The following SYT7 variants were observed in gnomAD, a reference collection of about 807,000 sequenced individuals.
SYT7 encodes the protein synaptotagmin-7.
In SYT7, 29 loss-of-function variants were observed where a neutral mutation model predicts 75.1. The ratio of observed to expected loss-of-function variants is 0.39; its 90% confidence interval spans 0.29 to 0.53. The LOEUF is 0.53. Ranked by LOEUF, SYT7 falls within the 20% of genes least tolerant of loss-of-function variation. The pLI is 0.77. For missense variants in SYT7, 693 were observed against 953.2 expected (o/e 0.73, Z 3.59); for synonymous variants, 376 against 401.7 (o/e 0.94, Z 0.76).
rs879214427 is a variant in SYT7, at chr11:61,517,657, T to C, written c.*970A>G. On this transcript the variant is annotated 3_prime_UTR_variant, in exon 13 of 13. Coordinates refer to ENST00000539008, the MANE Select transcript of SYT7 (RefSeq NM_001365809.2). The stretch of plus-strand genomic sequence containing the variant: ...TGTGGGAAGCTGGCGGGGGGTCTTT[T>C]GATGAAGGAGTTAGGGCAAAGCTAG... 2.5e-6 allele frequency: 1 copy of C among 398,640 alleles called. No homozygotes were observed. Among genetic ancestry groups the C allele is most frequent in the Admixed American group, 4.4e-5 (1 of 22,692 alleles). 24.7% of individuals were successfully genotyped at this position (398,640 alleles called of 1,614,324 possible).
chr11:61,586,232 C>G, the SYT7 span, among the ~76,000 whole-genome samples: 1 of 152,230 alleles, frequency 6.6e-6, no homozygotes, highest in Non-Finnish European at 1.5e-5. Context: ...TGGCTCAGCC[C>G]CTCAAATCCC....
At position 61,523,087 on chromosome 11, in the gene SYT7, G is replaced by A. The variant is rs145753051; in HGVS notation, c.1944C>T (p.Asp648=). Residue 648 remains aspartate (D), a synonymous_variant, in exon 12 of 13, where the codon GAC becomes GAT. Coordinates refer to ENST00000539008, the MANE Select transcript of SYT7 (RefSeq NM_001365809.2). The surrounding 1 kb of genome is among the most constrained non-coding windows in gnomAD (Gnocchi z 5.0). ...GCCTCGCCCCTACCTTGCCGATGAC[G>A]TCATTGCGGCTGAGCTTGTCCTTGT... ...VMDKDKLSRN[D]VIGKIYLSWK... The A allele has an allele frequency of 8.9e-5, 144 of 1,614,184 alleles. No homozygotes were observed. Among genetic ancestry groups the A allele is most frequent in the African/African-American group, 5.3e-4 (40 of 75,042 alleles).
intron 1 of SYT7, among the ~76,000 whole-genome samples, chr11:61,564,206 C>A (rs1419372502): frequency 1.3e-5 from 2 of 152,200 alleles, no homozygotes; most frequent in Non-Finnish European, 2.9e-5. Context: ...GGAATCTGTG[C>A]CTATAGGCTC....
At position 61,576,393 on chromosome 11, in the gene SYT7, G is replaced by A. The variant is rs571740708; in HGVS notation, c.31+4397C>T. Among the ~76,000 whole-genome samples the A allele has an allele frequency of 6.4e-4, 98 of 152,334 alleles. No individual in the cohort carries two copies. Among genetic ancestry groups the A allele is most frequent in the African/African-American group, 2.2e-3 (92 of 41,590 alleles). On this transcript the variant is annotated intron_variant, in intron 1 of 12. Transcript: ENST00000539008. The surrounding 1 kb of genome is among the most constrained non-coding windows in gnomAD (Gnocchi z 4.1). The stretch of plus-strand genomic sequence containing the variant: ...TGGCCAGACCAGTGACTGCCCCGAC[G>A]AGAGAAAGTTGACCTCTCGGCCACA...
At chr11:61,584,154 C>T (rs2064336052), upstream of SYT7, among the ~76,000 whole-genome samples, 2 of 152,098 alleles carry the variant, frequency 1.3e-5, no homozygotes, top group African/African-American at 4.8e-5. Flanking sequence ...CTTTGGGAGG[C>T]CGAGGCGGGC....
intron 1 of SYT7, among the ~76,000 whole-genome samples, chr11:61,578,056 G>C (rs2064134023): frequency 6.6e-6 from 1 of 152,212 alleles, no homozygotes; most frequent in African/African-American, 2.4e-5. Context: ...CAGAAGGGAG[G>C]CTGCAGGTCT....
chr11:61,519,192 CA>C (rs2062232782), intron 12 of SYT7, among the ~76,000 whole-genome samples: 1 of 152,236 alleles, frequency 6.6e-6, no homozygotes, highest in African/African-American at 2.4e-5. Context: ...TGATTATCTC[CA>C]TTTTTCAGAT....
the SYT7 span, among the ~76,000 whole-genome samples, chr11:61,588,075 C>G: frequency 6.6e-6 from 1 of 152,208 alleles, no homozygotes; most frequent in Admixed American, 6.5e-5. Context: ...CTGTGACTGT[C>G]CCGGTTCCGC....
the SYT7 span, among the ~76,000 whole-genome samples, chr11:61,587,708 G>A: frequency 6.6e-6 from 1 of 151,966 alleles, no homozygotes; most frequent in East Asian, 1.9e-4. Flanking sequence ...GCCTGGGCTC[G>A]AGGCCTGCCC....
intron 12 of SYT7, among the ~76,000 whole-genome samples, chr11:61,521,683 G>C (rs942285965): frequency 2.0e-5 from 3 of 152,124 alleles, no homozygotes; most frequent in African/African-American, 7.2e-5. Flanking sequence ...TTCCCTGTGG[G>C]TATCCAGTCC....
rs1310936648 is a variant in SYT7, at chr11:61,533,059, G to A, written c.1130C>T (p.Ser377Phe). ...GGAACGTGGCTCGGTCCGGCGGTCG[G>A]ACTCATCGTGGGGTGTCTGGCCTGG... Reference protein sequence around the residue: ...PVPGQTPHDESDRRTEPRSSV... With the variant: ...PVPGQTPHDEFDRRTEPRSSV... Residue 377 changes from serine (S) to phenylalanine (F), a missense_variant, in exon 8 of 13, where the codon TCC becomes TTC. By Grantham distance (155) the Ser-to-Phe change is radical. Around this residue, in one of 2 missense-constraint regions of SYT7, gnomAD observed 487 missense variants for 593.2 expected, o/e 0.82. Transcript: ENST00000539008. 6.2e-7 allele frequency: 1 copy of A among 1,613,218 alleles called. No individual in the cohort carries two copies. Among genetic ancestry groups the A allele is most frequent in the Admixed American group, 1.7e-5 (1 of 59,994 alleles).
At chr11:61,537,943 G>A (rs768692655) in intron 7 of SYT7, among the ~76,000 whole-genome samples, 1 of 152,208 alleles carries the variant, frequency 6.6e-6, no homozygotes, top group Non-Finnish European at 1.5e-5. Flanking sequence ...CAGGATGGCC[G>A]CAAGTGGCCT....
intron 1 of SYT7, among the ~76,000 whole-genome samples, chr11:61,572,457 G>A (rs910723306): frequency 2.0e-5 from 3 of 152,214 alleles, no homozygotes; most frequent in Non-Finnish European, 2.9e-5. Context: ...ACCAGGCAAC[G>A]TAGCCCAGTG....
intron 7 of SYT7, 106 bp from the exon 8 acceptor site, chr11:61,533,230 AT>A (rs2062764784): frequency 6.8e-7 from 1 of 1,474,776 alleles, no homozygotes; most frequent in Non-Finnish European, 8.9e-7. Flanking sequence ...AGCAGCTGCC[AT>A]GCCCGGCGGG....
At chr11:61,539,275 G>A (rs187298743) in intron 6 of SYT7, among the ~76,000 whole-genome samples, 1,584 of 152,256 alleles carry the variant, frequency 0.01, 100 homozygotes, top group Admixed American at 0.091. Context: ...TGGACATGTG[G>A]GCAGCCGTAT....
Position 61,547,252 on chromosome 11 carries a change from C to T in SYT7, c.272G>A (p.Ser91Asn). ...NNESTVQQKW[S>N]SYPPKEFILN... ...AATAAACTCCTTGGGAGGGTAGGAG[C>T]TCCATTTCTGCTGCACTGTGCTCTC... Residue 91 changes from serine to asparagine, a missense_variant, in exon 4 of 13, where the codon AGC (serine) becomes AAC (asparagine). This residue lies in a region of SYT7 where 487 missense variants were observed against 593.2 expected (regional missense o/e 0.82). Transcript: ENST00000539008. The T allele has an allele frequency of 2.0e-6, 3 of 1,535,806 alleles. No individual in the cohort carries two copies. Among genetic ancestry groups the T allele is most frequent in the Non-Finnish European group, 2.6e-6 (3 of 1,146,686 alleles).
rs2063341752 is a variant in SYT7 at position 61,551,277 on chromosome 11, G to T, written c.215+107C>A. 9.5e-7 allele frequency: 1 copy of T among 1,051,960 alleles called. No homozygotes were observed. Among genetic ancestry groups the T allele is most frequent in the Non-Finnish European group, 1.4e-6 (1 of 694,842 alleles). 65.2% of individuals were successfully genotyped at this position (1,051,960 alleles called of 1,614,324 possible). On this transcript the variant is annotated intron_variant, in intron 3 of 12. Coordinates refer to ENST00000539008, the MANE Select transcript of SYT7 (RefSeq NM_001365809.2). The surrounding 1 kb of genome is among the most constrained non-coding windows in gnomAD (Gnocchi z 5.3). ...AGAGAGCATGGCATCGGGGTGTGGGGGAAGTGAAAGTGTGTGGTCAGGTCT... is the reference window on the plus strand; with the variant it reads ...AGAGAGCATGGCATCGGGGTGTGGGTGAAGTGAAAGTGTGTGGTCAGGTCT...
chr11:61,550,801 G>A (rs1453984197), intron 3 of SYT7, among the ~76,000 whole-genome samples: 6 of 152,196 alleles, frequency 3.9e-5, no homozygotes, highest in Non-Finnish European at 7.4e-5. Flanking sequence ...AGGGCTCTAC[G>A]GCAGAACAAG....
chr11:61,558,495 CACACACACAT>C (rs1446191525), intron 1 of SYT7, among the ~76,000 whole-genome samples: 2 of 144,652 alleles, frequency 1.4e-5, no homozygotes, highest in Admixed American at 7.1e-5. Flanking sequence ...TACACACACA[CACACACACAT>C]ACACACACAC....
Sources: gnomAD v4.1 joint callset for allele counts (sites outside exome capture counted in the v4.1 genomes callset) on GRCh38, gnomAD v4.1.1 for gene constraint, gnomAD v4.1.1 regional missense constraint, Gnocchi (gnomAD v3.1) non-coding constraint, MANE v1.5 for transcripts, NCBI Gene and HGNC (gene_info 2026-07-23, HGNC 2026-07-21) for gene names.